The following GALNT17 variants were observed in gnomAD, a reference collection of about 807,000 sequenced individuals.
The protein encoded by GALNT17 is UDP-GalNAc:polypeptide N-acetylgalactosaminyltransferase-like 3.
In GALNT17, 29 loss-of-function variants were observed where a neutral mutation model predicts 63.7. That is an observed-to-expected ratio of 0.46 (90% CI 0.34 to 0.62). The LOEUF is 0.62. Among genes scored for constraint, GALNT17 ranks in the 20% least tolerant of loss-of-function variants. The pLI, the probability that GALNT17 is intolerant of heterozygous loss-of-function variation, is 0.01. For missense variants in GALNT17, 603 were observed against 799.6 expected (o/e 0.75, Z 2.97); for synonymous variants, 305 against 318.3 (o/e 0.96, Z 0.45).
chr7:71,598,454 A>G (rs752041910), intron 6 of GALNT17, among the ~76,000 whole-genome samples: 1 of 152,252 alleles, frequency 6.6e-6, no homozygotes, highest in Non-Finnish European at 1.5e-5. Context: ...ACATATGTGA[A>G]GATGAAATAG....
chr7:71,335,655 A>G lies in GALNT17; in HGVS notation c.344A>G (p.His115Arg), dbSNP rs556118004. 5 of 1,613,794 alleles carry G rather than the reference A, an allele frequency of 3.1e-6. No individual in the cohort carries two copies. The highest frequency in any genetic ancestry group is 2.2e-5 in the East Asian group (1 of 44,832). The change falls in exon 2 of 11, where the codon CAT becomes CGT. Residue 115 changes from histidine to arginine, a missense_variant. Physicochemically the swap from His to Arg is conservative, Grantham distance 29. Transcript: ENST00000333538. Reference protein sequence around the residue: ...PAEEEKAKGPHEKYGYNSYLS... With the variant: ...PAEEEKAKGPREKYGYNSYLS... The stretch of plus-strand genomic sequence containing the variant: ...GAAGAAGAAAAGGCTAAGGGACCCC[A>G]TGAGAAGTATGGCTACAATTCATAC...
At chr7:71,330,001 A>G (rs201654910) in intron 1 of GALNT17, among the ~76,000 whole-genome samples, 1 of 22,750 alleles carries the variant, frequency 4.4e-5, no homozygotes, top group Non-Finnish European at 9.5e-5. Flanking sequence ...ATATACATAT[A>G]TGTGTGTATA....
At chr7:71,198,970 C>T (rs766928851) in intron 1 of GALNT17, among the ~76,000 whole-genome samples, 4 of 152,118 alleles carry the variant, frequency 2.6e-5, no homozygotes, top group Non-Finnish European at 5.9e-5. Context: ...TAGGTCTTGG[C>T]GGGGCTTGAG....
At chr7:71,440,853 C>T (rs1208946365) in intron 5 of GALNT17, among the ~76,000 whole-genome samples, 1 of 152,096 alleles carries the variant, frequency 6.6e-6, no homozygotes, top group Non-Finnish European at 1.5e-5. Context: ...TTTCATCCTC[C>T]GAGGTGTGGC....
chr7:71,640,980 A>G (rs189205394), intron 6 of GALNT17, among the ~76,000 whole-genome samples: 63 of 152,318 alleles, frequency 4.1e-4, no homozygotes, highest in African/African-American at 1.5e-3. Flanking sequence ...CCTAACTGTG[A>G]TAAAATGCAG....
At chr7:71,268,387 CA>C (rs35198398) in intron 1 of GALNT17, among the ~76,000 whole-genome samples, 74,657 of 131,240 alleles carry the variant, frequency 0.57, 21,419 homozygotes, top group East Asian at 0.79. Context: ...ACAAAAAATA[CA>C]AAAAAAAAAA....
intron 1 of GALNT17, among the ~76,000 whole-genome samples, chr7:71,159,477 TTTTACTGAA>T (rs1404741752): frequency 6.6e-6 from 1 of 151,292 alleles, no homozygotes; most frequent in Non-Finnish European, 1.5e-5. Context: ...TCAACTTGGT[TTTTACTGAA>T]ACATTAGTAA....
chr7:71,411,421 A>AGG (rs368072460), intron 3 of GALNT17, among the ~76,000 whole-genome samples: 1 of 152,044 alleles, frequency 6.6e-6, no homozygotes. Flanking sequence ...TGCCTGGCCA[A>AGG]GGGGGTGACT....
At chr7:71,552,475 C>G (rs1227184730) in intron 5 of GALNT17, among the ~76,000 whole-genome samples, 1 of 147,450 alleles carries the variant, frequency 6.8e-6, no homozygotes, top group Non-Finnish European at 1.5e-5. Context: ...GAGTCTCACT[C>G]TGTTGCCCAG....
At chr7:71,385,541 G>A (rs80315525) in intron 2 of GALNT17, among the ~76,000 whole-genome samples, 20 of 152,248 alleles carry the variant, frequency 1.3e-4, no homozygotes, top group Non-Finnish European at 8.8e-5. Flanking sequence ...CCAGGGCTTG[G>A]GGGCAGAACA....
chr7:71,340,727 A>T (rs1791992607), intron 2 of GALNT17, among the ~76,000 whole-genome samples: 1 of 152,196 alleles, frequency 6.6e-6, no homozygotes, highest in Non-Finnish European at 1.5e-5. Context: ...AAGAGCAAAT[A>T]GATATATTAA....
At chr7:71,633,309 G>T (rs368906912) in intron 6 of GALNT17, among the ~76,000 whole-genome samples, 1 of 152,000 alleles carries the variant, frequency 6.6e-6, no homozygotes, top group African/African-American at 2.4e-5. Flanking sequence ...GCAATGTGGG[G>T]AGTTTGCATC....
chr7:71,540,348 C>T (rs1042134124), intron 5 of GALNT17, among the ~76,000 whole-genome samples: 1 of 151,664 alleles, frequency 6.6e-6, no homozygotes, highest in African/African-American at 2.4e-5. Context: ...AACTCCTGAC[C>T]TCAAGTGATC....
chr7:71,246,126 T>G (rs1206660835), intron 1 of GALNT17, among the ~76,000 whole-genome samples: 1 of 141,078 alleles, frequency 7.1e-6, no homozygotes, highest in Non-Finnish European at 1.5e-5. Context: ...TTTTTTTTTT[T>G]TTTTTTTTTT....
At chr7:71,689,632 C>T (rs1791411930) in intron 9 of GALNT17, among the ~76,000 whole-genome samples, 1 of 152,220 alleles carries the variant, frequency 6.6e-6, no homozygotes, top group African/African-American at 2.4e-5. Context: ...CATAATGGTG[C>T]AGGGTGAAGC....
intron 5 of GALNT17, among the ~76,000 whole-genome samples, chr7:71,557,545 C>T (rs965092766): frequency 6.6e-6 from 1 of 152,084 alleles, no homozygotes; most frequent in African/African-American, 2.4e-5. Flanking sequence ...TGTGATCTAG[C>T]AATTTGAGAG....
intron 5 of GALNT17, among the ~76,000 whole-genome samples, chr7:71,543,095 CA>C (rs1788921193): frequency 6.7e-6 from 1 of 149,650 alleles, no homozygotes; most frequent in South Asian, 2.1e-4. Context: ...TGTCTTTGAT[CA>C]GAGAATTTCA....
At chr7:71,456,425 G>A (rs958312819) in intron 5 of GALNT17, among the ~76,000 whole-genome samples, 2 of 151,816 alleles carry the variant, frequency 1.3e-5, no homozygotes, top group African/African-American at 4.8e-5. Flanking sequence ...TTGGCCGGGC[G>A]TAGTGGCTCA....
intron 2 of GALNT17, among the ~76,000 whole-genome samples, chr7:71,366,650 C>A (rs1792516003): frequency 1.3e-5 from 2 of 152,196 alleles, no homozygotes; most frequent in South Asian, 4.1e-4. Context: ...GCAAAGGTGA[C>A]TACTGTTGGC....
Sources: allele counts gnomAD v4.1 joint callset (sites outside exome capture counted in the v4.1 genomes callset), GRCh38; gene constraint gnomAD v4.1.1; transcripts MANE v1.5; gene names NCBI Gene and HGNC (gene_info 2026-07-23, HGNC 2026-07-21).